Variants in FBLL1 observed in about 807,000 individuals in gnomAD.
The protein encoded by FBLL1 is fibrillarin like rRNA 2'-O-methyltransferase 1.
In FBLL1, 6 loss-of-function variants were observed where a neutral mutation model predicts 5.7. The observed-to-expected ratio is 1.05, with a 90% confidence interval of 0.57 to 2.07. The LOEUF (loss-of-function observed/expected upper bound fraction) is 2.07. Among genes scored for constraint, FBLL1 ranks in the 30% most tolerant of loss-of-function variants. The probability of loss-of-function intolerance (pLI) is 0.00; values close to 1 mark genes in which losing one functional copy is unlikely to be tolerated. For synonymous variants in FBLL1, 133 were observed against 75.1 expected (o/e 1.77, Z -3.99); for missense variants, 258 against 165.2 (o/e 1.56, Z -3.08).
At position 168,529,401 on chromosome 5, in the gene FBLL1, T is replaced by C; in HGVS notation, c.-104T>C. On this transcript the variant is annotated 5_prime_UTR_variant, in exon 1 of 1. Transcript: ENST00000338333. The surrounding 1 kb of genome is among the most constrained non-coding windows in gnomAD (Gnocchi z 7.2). ...GCCGCCCGCCGCCCGCCTCCGCTGC[T>C]AAACCCGCGGACAACCGCCGGGACG... The C allele has an allele frequency of 6.5e-6, 1 of 152,844 alleles. No homozygotes were observed. Among genetic ancestry groups the C allele is most frequent in the Non-Finnish European group, 1.5e-5 (1 of 68,016 alleles). 9.5% of individuals were successfully genotyped at this position (152,844 alleles called of 1,614,324 possible).
In FBLL1 at chr5:168,529,776, G is replaced by A. The variant is rs950078362; in HGVS notation, c.272G>A (p.Arg91His). The change falls in exon 1 of 1, where the codon CGC becomes CAC. Residue 91 changes from arginine (R) to histidine (H), a missense_variant. Arg to His is a conservative substitution (Grantham distance 29). Coordinates refer to ENST00000338333, the MANE Select transcript of FBLL1 (RefSeq NM_001355274.2). This position sits in a 1 kb window ranked among gnomAD's most constrained non-coding sequence, Gnocchi z 7.2. ...GGCGTGGCCAAGAGCAAGAGCCGCC[G>A]CAGGAAGGGCGCCATGGTGGTGTCG... ...RGGVAKSKSR[R>H]RKGAMVVSVE... The A allele has an allele frequency of 2.2e-5, 15 of 692,376 alleles. No individual in the cohort carries two copies. In the African/African-American group the frequency reaches 2.5e-4, roughly 11 times the overall value. The allele number at this position is 692,376 out of a possible 1,614,324, so 42.9% of individuals were successfully genotyped here. A position where few individuals can be genotyped will look rare whatever the true frequency, so the allele number is the denominator to read the frequency against.
At position 168,529,697 on chromosome 5, in the gene FBLL1, G is replaced by A; in HGVS notation, c.193G>A (p.Gly65Arg). 2.8e-6 allele frequency: 1 copy of A among 359,452 alleles called. No homozygotes were observed. The allele number at this position is 359,452 out of a possible 1,614,324, so 22.3% of individuals were successfully genotyped here. Residue 65 changes from glycine to arginine, a missense_variant, in exon 1 of 1, where the codon GGG becomes AGG. Coordinates refer to ENST00000338333, the MANE Select transcript of FBLL1 (RefSeq NM_001355274.2). The surrounding 1 kb of genome is among the most constrained non-coding windows in gnomAD (Gnocchi z 7.2). Reference sequence around the variant, plus strand: ...CTTCGGCGGGGGCGGCCGGGGCCGGGGGCGCGGCGGCGGCGACGGCAAGGA... The same window carrying A: ...CTTCGGCGGGGGCGGCCGGGGCCGGAGGCGCGGCGGCGGCGACGGCAAGGA... ...RGFGGGGRGR[G>R]RGGGDGKDRG... is the part of the protein sequence containing the mutation.
chr5:168,529,898 G>A lies in FBLL1; in HGVS notation c.394G>A (p.Glu132Lys), dbSNP rs1421039309. The stretch of plus-strand genomic sequence containing the variant: ...GGTGCCGGGCCAGTCTGTGTACGGC[G>A]AGAGGCGCGTCACGGTGACCGAGGG... Reference protein sequence around the residue: ...NMVPGQSVYGERRVTVTEGGV... With the variant: ...NMVPGQSVYGKRRVTVTEGGV... Residue 132 changes from glutamate (E) to lysine (K), a missense_variant, in exon 1 of 1, where the codon GAG becomes AAG. Transcript: ENST00000338333. The surrounding 1 kb of genome is among the most constrained non-coding windows in gnomAD (Gnocchi z 7.2). 1.4e-6 allele frequency: 1 copy of A among 722,842 alleles called. No homozygotes were observed. Among genetic ancestry groups the A allele is most frequent in the Non-Finnish European group, 2.5e-6 (1 of 396,904 alleles). The allele number at this position is 722,842 out of a possible 1,614,324, so 44.8% of individuals were successfully genotyped here.
chr5:168,530,470 C>A lies in FBLL1; in HGVS notation c.966C>A (p.Val322=). The change falls in exon 1 of 1, where the codon GTC becomes GTA. Residue 322 remains valine (V), a synonymous_variant. Transcript: ENST00000338333. The surrounding 1 kb of genome is among the most constrained non-coding windows in gnomAD (Gnocchi z 4.9). Reference sequence around the variant, plus strand: ...ATGAGCGGGACCACGCTGTGGTGGTCGGGGTCTACCGACCTCTTCCCAAGA... The same window carrying A: ...ATGAGCGGGACCACGCTGTGGTGGTAGGGGTCTACCGACCTCTTCCCAAGA... ...EPYERDHAVV[V]GVYRPLPKSS... is the part of the protein sequence containing the mutation. 2 of 762,976 alleles carry A rather than the reference C, an allele frequency of 2.6e-6. No individual in the cohort carries two copies. Among genetic ancestry groups the A allele is most frequent in the South Asian group, 2.7e-5 (2 of 73,938 alleles). The allele number at this position is 762,976 out of a possible 1,614,324, so 47.3% of individuals were successfully genotyped here.
In FBLL1 at chr5:168,530,059, C is replaced by G. The variant is rs751561317; in HGVS notation, c.555C>G (p.Thr185=). Residue 185 remains threonine (T), a synonymous_variant, in exon 1 of 1, where the codon ACC becomes ACG. Coordinates refer to ENST00000338333, the MANE Select transcript of FBLL1 (RefSeq NM_001355274.2). The surrounding 1 kb of genome is among the most constrained non-coding windows in gnomAD (Gnocchi z 4.9). ...VLYLGAASGT[T]VSHVSDIIGP... The stretch of plus-strand genomic sequence containing the variant: ...ACCTGGGCGCCGCGTCGGGCACCAC[C>G]GTCTCCCATGTCTCCGACATCATTG... 2.0e-5 allele frequency: 15 copies of G among 757,768 alleles called. No homozygotes were observed. The highest frequency in any genetic ancestry group is 1.5e-4 in the South Asian group (11 of 73,234). The allele number at this position is 757,768 out of a possible 1,614,324, so 46.9% of individuals were successfully genotyped here.
In FBLL1 at chr5:168,530,326, C is replaced by A; in HGVS notation, c.822C>A (p.Ile274=). 1 of 765,742 alleles carries A rather than the reference C, an allele frequency of 1.3e-6. No homozygotes were observed. 47.4% of individuals were successfully genotyped at this position (765,742 alleles called of 1,614,324 possible). A position where few individuals can be genotyped will look rare whatever the true frequency, so the allele number is the denominator to read the frequency against. ...TFLRNGGHFL[I]SIKANCIDST... ...TGCGCAATGGGGGCCACTTTCTCAT[C>A]TCCATCAAGGCCAACTGCATCGACT... The change falls in exon 1 of 1, where the codon ATC becomes ATA. Residue 274 remains isoleucine, a synonymous_variant. Coordinates refer to ENST00000338333, the MANE Select transcript of FBLL1 (RefSeq NM_001355274.2). The surrounding 1 kb of genome is among the most constrained non-coding windows in gnomAD (Gnocchi z 4.9).
Position 168,529,662 on chromosome 5 carries a change from G to C in FBLL1, c.158G>C (p.Arg53Pro), listed in dbSNP as rs1435238721. Reference sequence around the variant, plus strand: ...GGGGGCAAGGGCGGCTTCGGGGCGCGGGCGCGCGGCTTCGGCGGGGGCGGC... The same window carrying C: ...GGGGGCAAGGGCGGCTTCGGGGCGCCGGCGCGCGGCTTCGGCGGGGGCGGC... ...GQGGKGGFGA[R>P]ARGFGGGGRG... Residue 53 changes from arginine (R) to proline (P), a missense_variant, in exon 1 of 1, where the codon CGG becomes CCG. Physicochemically the swap from Arg to Pro is moderately radical, Grantham distance 103. Coordinates refer to ENST00000338333, the MANE Select transcript of FBLL1 (RefSeq NM_001355274.2). This position sits in a 1 kb window ranked among gnomAD's most constrained non-coding sequence, Gnocchi z 7.2. 1 of 155,614 alleles carries C rather than the reference G, an allele frequency of 6.4e-6. No individual in the cohort carries two copies. The highest frequency in any genetic ancestry group is 6.7e-5 in the Admixed American group (1 of 15,022). 9.6% of individuals were successfully genotyped at this position (155,614 alleles called of 1,614,324 possible).
chr5:168,529,994 G>A lies in FBLL1; in HGVS notation c.490G>A (p.Val164Met). Residue 164 changes from valine to methionine, a missense_variant, in exon 1 of 1, where the codon GTG (valine) becomes ATG (methionine). Transcript: ENST00000338333. This position sits in a 1 kb window ranked among gnomAD's most constrained non-coding sequence, Gnocchi z 7.2. ...GCTGGCCGCGGCCATCCTGGGCGGG[G>A]TGGACCAGATCCACATCAAGCCCAA... ...SKLAAAILGG[V>M]DQIHIKPKSK... is the part of the protein sequence containing the mutation. The A allele has an allele frequency of 1.3e-6, 1 of 752,792 alleles. No homozygotes were observed. Among genetic ancestry groups the A allele is most frequent in the South Asian group, 1.4e-5 (1 of 72,290 alleles). 46.6% of individuals were successfully genotyped at this position (752,792 alleles called of 1,614,324 possible).
rs751561317 is a variant in FBLL1 at position 168,530,059 on chromosome 5, C to A, written c.555C>A (p.Thr185=). Residue 185 remains threonine (T), a synonymous_variant, in exon 1 of 1, where the codon ACC becomes ACA. Coordinates refer to ENST00000338333, the MANE Select transcript of FBLL1 (RefSeq NM_001355274.2). The surrounding 1 kb of genome is among the most constrained non-coding windows in gnomAD (Gnocchi z 4.9). ...ACCTGGGCGCCGCGTCGGGCACCAC[C>A]GTCTCCCATGTCTCCGACATCATTG... ...VLYLGAASGT[T]VSHVSDIIGP... is the part of the protein sequence containing the mutation. 4.0e-6 allele frequency: 3 copies of A among 757,768 alleles called. No individual in the cohort carries two copies. The highest frequency in any genetic ancestry group is 7.2e-6 in the Non-Finnish European group (3 of 414,818). The allele number at this position is 757,768 out of a possible 1,614,324, so 46.9% of individuals were successfully genotyped here.
Position 168,529,846 on chromosome 5 carries a change from G to C in FBLL1, c.342G>C (p.Ala114=), listed in dbSNP as rs1215085185. ...RHEGVFIYRG[A]EDALVTLNMV... ...AGGGCGTCTTCATCTACCGCGGGGC[G>C]GAGGACGCGCTGGTCACGCTGAACA... The change falls in exon 1 of 1, where the codon GCG becomes GCC. Residue 114 remains alanine, a synonymous_variant. Coordinates refer to ENST00000338333, the MANE Select transcript of FBLL1 (RefSeq NM_001355274.2). The surrounding 1 kb of genome is among the most constrained non-coding windows in gnomAD (Gnocchi z 7.2). 4 of 705,952 alleles carry C rather than the reference G, an allele frequency of 5.7e-6. No homozygotes were observed. The Admixed American group carries it at 8.0e-5, about 14-fold the overall frequency. 43.7% of individuals were successfully genotyped at this position (705,952 alleles called of 1,614,324 possible). A position where few individuals can be genotyped will look rare whatever the true frequency, so the allele number is the denominator to read the frequency against.
Position 168,530,237 on chromosome 5 carries a change from A to T in FBLL1, c.733A>T (p.Ile245Phe). ...CATGCTCATCGGGATGGTGGACGTG[A>T]TCTTCGCCGACGTGGCCCAGCCGGA... ...YRMLIGMVDV[I>F]FADVAQPDQS... The change falls in exon 1 of 1, where the codon ATC (isoleucine) becomes TTC (phenylalanine). Residue 245 changes from isoleucine (I) to phenylalanine (F), a missense_variant. Transcript: ENST00000338333. This position sits in a 1 kb window ranked among gnomAD's most constrained non-coding sequence, Gnocchi z 4.9. 1.3e-6 allele frequency: 1 copy of T among 765,738 alleles called. No homozygotes were observed. Among genetic ancestry groups the T allele is most frequent in the Non-Finnish European group, 2.4e-6 (1 of 417,974 alleles). 47.4% of individuals were successfully genotyped at this position (765,738 alleles called of 1,614,324 possible). A position where few individuals can be genotyped will look rare whatever the true frequency, so the allele number is the denominator to read the frequency against.
In FBLL1 at chr5:168,530,518, T is replaced by C; in HGVS notation, c.*9T>C. The C allele has an allele frequency of 1.3e-6, 1 of 755,250 alleles. No homozygotes were observed. The highest frequency in any genetic ancestry group is 1.4e-5 in the South Asian group (1 of 73,092). 46.8% of individuals were successfully genotyped at this position (755,250 alleles called of 1,614,324 possible). ...AGAGCAGCAGCAAATAGCACCCAGC[T>C]CAGGCTCGCCTGCCATCTCCCCAAG... On this transcript the variant is annotated 3_prime_UTR_variant, in exon 1 of 1. Transcript: ENST00000338333. The surrounding 1 kb of genome is among the most constrained non-coding windows in gnomAD (Gnocchi z 4.9).
At position 168,530,596 on chromosome 5, in the gene FBLL1, T is replaced by A. The variant is rs553463302; in HGVS notation, c.*87T>A. 2.2e-4 allele frequency: 134 copies of A among 621,254 alleles called. No individual in the cohort carries two copies. The African/African-American group carries it at 2.2e-3, about 10-fold the overall frequency. The allele number at this position is 621,254 out of a possible 1,614,324, so 38.5% of individuals were successfully genotyped here. A position where few individuals can be genotyped will look rare whatever the true frequency, so the allele number is the denominator to read the frequency against. On this transcript the variant is annotated 3_prime_UTR_variant, in exon 1 of 1. Coordinates refer to ENST00000338333, the MANE Select transcript of FBLL1 (RefSeq NM_001355274.2). The surrounding 1 kb of genome is among the most constrained non-coding windows in gnomAD (Gnocchi z 4.9). ...GTGTGTTTTCTTTGTGAGTGTTTTGTTTTGTTGTTTTTCTATTAAACTGCA... is the reference window on the plus strand; with the variant it reads ...GTGTGTTTTCTTTGTGAGTGTTTTGATTTGTTGTTTTTCTATTAAACTGCA...
Position 168,530,312 on chromosome 5 carries a change from G to A in FBLL1, c.808G>A (p.Gly270Ser). The A allele has an allele frequency of 1.3e-6, 1 of 765,812 alleles. No homozygotes were observed. The highest frequency in any genetic ancestry group is 2.4e-6 in the Non-Finnish European group (1 of 417,996). 47.4% of individuals were successfully genotyped at this position (765,812 alleles called of 1,614,324 possible). The change falls in exon 1 of 1, where the codon GGC becomes AGC. Residue 270 changes from glycine to serine, a missense_variant. By Grantham distance (56) the Gly-to-Ser change is moderately conservative. Transcript: ENST00000338333. This position sits in a 1 kb window ranked among gnomAD's most constrained non-coding sequence, Gnocchi z 4.9. The stretch of plus-strand genomic sequence containing the variant: ...CGCCCACACCTTCCTGCGCAATGGG[G>A]GCCACTTTCTCATCTCCATCAAGGC... ...LNAHTFLRNG[G>S]HFLISIKANC...
rs1006871453 is a variant in FBLL1 at position 168,529,921 on chromosome 5, G to A, written c.417G>A (p.Glu139=). 1.4e-6 allele frequency: 1 copy of A among 730,318 alleles called. No individual in the cohort carries two copies. Among genetic ancestry groups the A allele is most frequent in the Admixed American group, 1.9e-5 (1 of 53,836 alleles). The allele number at this position is 730,318 out of a possible 1,614,324, so 45.2% of individuals were successfully genotyped here. Residue 139 remains glutamate (E), a synonymous_variant, in exon 1 of 1, where the codon GAG becomes GAA. Coordinates refer to ENST00000338333, the MANE Select transcript of FBLL1 (RefSeq NM_001355274.2). The surrounding 1 kb of genome is among the most constrained non-coding windows in gnomAD (Gnocchi z 7.2). ...VYGERRVTVT[E]GGVKQEYRTW... ...GCGAGAGGCGCGTCACGGTGACCGA[G>A]GGCGGCGTGAAGCAGGAGTACCGCA... is the stretch of plus-strand genomic sequence containing the variant.
In FBLL1 at chr5:168,530,382, C is replaced by T. The variant is rs1561833206; in HGVS notation, c.878C>T (p.Ser293Phe). The T allele has an allele frequency of 1.3e-6, 1 of 765,254 alleles. No homozygotes were observed. 47.4% of individuals were successfully genotyped at this position (765,254 alleles called of 1,614,324 possible). A position where few individuals can be genotyped will look rare whatever the true frequency, so the allele number is the denominator to read the frequency against. ...STASAEAVFA[S>F]EVRKLQQENL... ...GCATCCGCCGAGGCTGTGTTTGCTT[C>T]TGAGGTGAGGAAGTTGCAGCAGGAG... The change falls in exon 1 of 1, where the codon TCT becomes TTT. Residue 293 changes from serine (S) to phenylalanine (F), a missense_variant. By Grantham distance (155) the Ser-to-Phe change is radical. Coordinates refer to ENST00000338333, the MANE Select transcript of FBLL1 (RefSeq NM_001355274.2). This position sits in a 1 kb window ranked among gnomAD's most constrained non-coding sequence, Gnocchi z 4.9.
chr5:168,529,742 C>G lies in FBLL1; in HGVS notation c.238C>G (p.Arg80Gly), dbSNP rs1391675592. 2.2e-5 allele frequency: 13 copies of G among 595,060 alleles called. No individual in the cohort carries two copies. The highest frequency in any genetic ancestry group is 3.6e-5 in the Non-Finnish European group (12 of 330,144). 36.9% of individuals were successfully genotyped at this position (595,060 alleles called of 1,614,324 possible). The stretch of plus-strand genomic sequence containing the variant: ...CAAGGATCGCGGCGGCGGTGGACAG[C>G]GGCGGGGCGGCGTGGCCAAGAGCAA... ...DGKDRGGGGQ[R>G]RGGVAKSKSR... The change falls in exon 1 of 1, where the codon CGG becomes GGG. Residue 80 changes from arginine (R) to glycine (G), a missense_variant. Coordinates refer to ENST00000338333, the MANE Select transcript of FBLL1 (RefSeq NM_001355274.2). This position sits in a 1 kb window ranked among gnomAD's most constrained non-coding sequence, Gnocchi z 7.2.
rs1471828440 is a variant in FBLL1 at position 168,530,559 on chromosome 5, C to G, written c.*50C>G. 1.5e-6 allele frequency: 1 copy of G among 674,736 alleles called. No individual in the cohort carries two copies. Among genetic ancestry groups the G allele is most frequent in the African/African-American group, 1.8e-5 (1 of 55,984 alleles). 41.8% of individuals were successfully genotyped at this position (674,736 alleles called of 1,614,324 possible). ...TCTCCCCAAGGCTGCGTTGTGTTTG[C>G]TATTATTTTCTGTGTGTTTTCTTTG... On this transcript the variant is annotated 3_prime_UTR_variant, in exon 1 of 1. Coordinates refer to ENST00000338333, the MANE Select transcript of FBLL1 (RefSeq NM_001355274.2). The surrounding 1 kb of genome is among the most constrained non-coding windows in gnomAD (Gnocchi z 4.9).
rs1758953366 is a variant in FBLL1 at position 168,530,168 on chromosome 5, A to G, written c.664A>G (p.Ile222Val). 1 of 765,082 alleles carries G rather than the reference A, an allele frequency of 1.3e-6. No individual in the cohort carries two copies. The highest frequency in any genetic ancestry group is 1.7e-5 in the African/African-American group (1 of 59,124). 47.4% of individuals were successfully genotyped at this position (765,082 alleles called of 1,614,324 possible). Residue 222 changes from isoleucine to valine, a missense_variant, in exon 1 of 1, where the codon ATC (isoleucine) becomes GTC (valine). Physicochemically the swap from Ile to Val is conservative, Grantham distance 29. Coordinates refer to ENST00000338333, the MANE Select transcript of FBLL1 (RefSeq NM_001355274.2). This position sits in a 1 kb window ranked among gnomAD's most constrained non-coding sequence, Gnocchi z 4.9. ...LVNVAKKRTN[I>V]IPVLEDARHP... ...CAACGTGGCCAAGAAGCGCACCAACATCATTCCGGTCCTGGAGGACGCGCG... is the reference window on the plus strand; with the variant it reads ...CAACGTGGCCAAGAAGCGCACCAACGTCATTCCGGTCCTGGAGGACGCGCG...
Sources: gnomAD v4.1 joint callset for allele counts on GRCh38, gnomAD v4.1.1 for gene constraint, Gnocchi (gnomAD v3.1) non-coding constraint, MANE v1.5 for transcripts, NCBI Gene and HGNC (gene_info 2026-07-23, HGNC 2026-07-21) for gene names.